Variants in PDE6D observed in about 807,000 individuals in gnomAD.
PDE6D encodes the protein phosphodiesterase 6D.
PDE6D carries 10 observed loss-of-function variants against 21.9 expected under a neutral mutation model. The observed-to-expected ratio is 0.46, with a 90% CI of 0.28 to 0.78. PDE6D has a LOEUF of 0.78. PDE6D is among the 30% of genes least tolerant of loss of function. PDE6D has a pLI of 0.12. For synonymous variants in PDE6D, 59 were observed against 63.5 expected (o/e 0.93, Z 0.34); for missense variants, 139 against 184.8 (o/e 0.75, Z 1.44).
chr2:231,738,080 A>G lies in PDE6D; in HGVS notation c.198T>C (p.Ser66=). The change falls in exon 3 of 5, where the codon TCT becomes TCC. Residue 66 remains serine, a synonymous_variant. Coordinates refer to ENST00000287600, the MANE Select transcript of PDE6D (RefSeq NM_002601.4). Reference sequence around the variant, plus strand: ...GGAATTTTTCCATTTGTTCTGTCGAAGAAAAATTAAGTTCTCGAGACACTG... The same window carrying G: ...GGAATTTTTCCATTTGTTCTGTCGAGGAAAAATTAAGTTCTCGAGACACTG... ...CKAVSRELNF[S]STEQMEKFRL... The G allele has an allele frequency of 1.9e-6, 3 of 1,614,020 alleles. No homozygotes were observed. The highest frequency in any genetic ancestry group is 2.5e-6 in the Non-Finnish European group (3 of 1,179,860).
chr2:231,751,392 C>T (rs2048839236), intron 1 of PDE6D, among the ~76,000 whole-genome samples: 1 of 152,174 alleles, frequency 6.6e-6, no homozygotes, highest in South Asian at 2.1e-4. Context: ...AGTGATCCTC[C>T]CACCTTGGCT....
intron 1 of PDE6D, among the ~76,000 whole-genome samples, chr2:231,768,839 T>C (rs2048992834): frequency 6.6e-6 from 1 of 152,148 alleles, no homozygotes; most frequent in African/African-American, 2.4e-5. Context: ...CCTTATATAA[T>C]ACAAGTTATT....
chr2:231,767,838 T>C lies in PDE6D; in HGVS notation c.50+13227A>G, dbSNP rs541414094. 1.7e-4 allele frequency among the ~76,000 whole-genome samples: 25 copies of C among 151,074 alleles called. No individual in the cohort carries two copies. The East Asian group carries it at 4.8e-3, about 29-fold the overall frequency. The stretch of plus-strand genomic sequence containing the variant: ...GATTATACTTTGTTTCTTTAACTAT[T>C]CTTTTTTTTTTTTTTTTCCAGACAA... On this transcript the variant is annotated intron_variant, in intron 1 of 4. Transcript: ENST00000287600.
intron 1 of PDE6D, among the ~76,000 whole-genome samples, chr2:231,750,253 T>C (rs2048827300): frequency 6.6e-6 from 1 of 152,106 alleles, no homozygotes; most frequent in Admixed American, 6.6e-5. Context: ...TAAACCTTTT[T>C]CCCCCGTTTC....
At chr2:231,738,430 G>A (rs1574617095) in intron 2 of PDE6D, among the ~76,000 whole-genome samples, 1 of 152,106 alleles carries the variant, frequency 6.6e-6, no homozygotes, top group African/African-American at 2.4e-5. Flanking sequence ...TCAGGAAGGG[G>A]GCTGCATGGG....
intron 1 of PDE6D, among the ~76,000 whole-genome samples, chr2:231,780,025 G>A (rs187055899): frequency 3.3e-5 from 5 of 152,326 alleles, no homozygotes; most frequent in African/African-American, 1.2e-4. Context: ...ATAGATTACA[G>A]ATAGGATGCA....
At chr2:231,763,611 T>TC (rs2048948564) in intron 1 of PDE6D, among the ~76,000 whole-genome samples, 1 of 152,046 alleles carries the variant, frequency 6.6e-6, no homozygotes, top group South Asian at 2.1e-4. Flanking sequence ...AACTTTTATG[T>TC]CATTTTTCTT....
At chr2:231,773,440 A>T (rs530191287) in intron 1 of PDE6D, among the ~76,000 whole-genome samples, 1 of 152,328 alleles carries the variant, frequency 6.6e-6, no homozygotes, top group East Asian at 1.9e-4. Context: ...GAAATAATAA[A>T]CCTCAAATTC....
chr2:231,777,252 T>C (rs1298632502), intron 1 of PDE6D, among the ~76,000 whole-genome samples: 1 of 152,216 alleles, frequency 6.6e-6, no homozygotes, highest in Non-Finnish European at 1.5e-5. Flanking sequence ...TTGAAACAAC[T>C]GATGGCAAAT....
intron 1 of PDE6D, among the ~76,000 whole-genome samples, chr2:231,771,022 A>G (rs1189658599): frequency 6.6e-6 from 1 of 151,088 alleles, no homozygotes; most frequent in East Asian, 1.9e-4. Flanking sequence ...GTTATCTGAG[A>G]GGCTGAGGTG....
intron 1 of PDE6D, among the ~76,000 whole-genome samples, chr2:231,759,606 T>A (rs2048910210): frequency 1.3e-5 from 2 of 152,164 alleles, no homozygotes; most frequent in Admixed American, 6.5e-5. Flanking sequence ...ATCTGTGGAA[T>A]CTATTTCTCT....
intron 1 of PDE6D, among the ~76,000 whole-genome samples, chr2:231,753,807 G>T (rs1271020358): frequency 1.3e-5 from 2 of 152,074 alleles, no homozygotes; most frequent in African/African-American, 2.4e-5. Context: ...CCTTCAATAG[G>T]TTTTCACTGT....
chr2:231,744,631 C>T (rs1345063281), intron 1 of PDE6D, among the ~76,000 whole-genome samples: 1 of 152,000 alleles, frequency 6.6e-6, no homozygotes, highest in East Asian at 1.9e-4. Context: ...TGGGGTTTCT[C>T]CATGTTGGTC....
chr2:231,763,126 A>G (rs1047581750), intron 1 of PDE6D, among the ~76,000 whole-genome samples: 5 of 152,226 alleles, frequency 3.3e-5, no homozygotes, highest in Non-Finnish European at 7.3e-5. Flanking sequence ...GCAGTCATTT[A>G]GAGCAAGTTC....
At chr2:231,761,811 T>C (rs1281009325) in intron 1 of PDE6D, among the ~76,000 whole-genome samples, 1 of 152,198 alleles carries the variant, frequency 6.6e-6, no homozygotes, top group Non-Finnish European at 1.5e-5. Flanking sequence ...AAAATACTGG[T>C]GCTCCCAGCA....
intron 4 of PDE6D, among the ~76,000 whole-genome samples, chr2:231,734,039 C>T (rs376322715): frequency 7.7e-4 from 117 of 151,974 alleles, no homozygotes; most frequent in African/African-American, 2.5e-3. Context: ...GGGTGAAACC[C>T]TGTCTCTACT....
intron 4 of PDE6D, 39 bp from the exon 5 acceptor site, chr2:231,733,072 A>G: frequency 1.5e-6 from 2 of 1,323,870 alleles, no homozygotes; most frequent in Non-Finnish European, 2.2e-6. Flanking sequence ...AAAGAGAGTG[A>G]GCATGTTAGG....
chr2:231,750,872 A>G (rs183956146), intron 1 of PDE6D, among the ~76,000 whole-genome samples: 182 of 152,050 alleles, frequency 1.2e-3, no homozygotes, highest in African/African-American at 4.2e-3. Flanking sequence ...ATTCAGGGTT[A>G]CCTTGTATAT....
chr2:231,745,395 C>T (rs1474621708), intron 1 of PDE6D, among the ~76,000 whole-genome samples: 1 of 152,206 alleles, frequency 6.6e-6, no homozygotes, highest in Non-Finnish European at 1.5e-5. Flanking sequence ...GGTCAAGTCA[C>T]TTCCAATCTT....
Sources: allele counts gnomAD v4.1 joint callset (sites outside exome capture counted in the v4.1 genomes callset), GRCh38; gene constraint gnomAD v4.1.1; transcripts MANE v1.5; gene names NCBI Gene and HGNC (gene_info 2026-07-23, HGNC 2026-07-21).